Variants in TMEM117 observed in about 807,000 individuals in gnomAD.
TMEM117 encodes transmembrane protein 117.
Under a neutral mutation model 52.4 loss-of-function variants are expected in TMEM117, and 27 were observed. That is an observed-to-expected ratio of 0.51 (90% CI 0.38 to 0.71). The LOEUF is 0.71. TMEM117 is among the 30% of genes least tolerant of loss of function. The probability of loss-of-function intolerance (pLI) is 0.00; values close to 1 mark genes in which losing one functional copy is unlikely to be tolerated. For missense variants in TMEM117, 556 were observed against 630.5 expected, an observed-to-expected ratio of 0.88 and a Z score of 1.26; for synonymous variants, 215 against 206.3, an observed-to-expected ratio of 1.04 and a Z score of -0.36.
chr12:44,167,588 A>G (rs1316369530), intron 4 of TMEM117, among the ~76,000 whole-genome samples: 1 of 151,538 alleles, frequency 6.6e-6, no homozygotes, highest in East Asian at 2.0e-4. Context: ...CATCGCTTGA[A>G]CCCGGGAGGC....
intron 2 of TMEM117, among the ~76,000 whole-genome samples, chr12:43,940,894 T>A (rs990147544): frequency 2.6e-5 from 4 of 152,162 alleles, no homozygotes; most frequent in South Asian, 4.1e-4. Context: ...TTGTTAGAAT[T>A]TTATGACATC....
intron 2 of TMEM117, among the ~76,000 whole-genome samples, chr12:43,851,799 C>A (rs762414399): frequency 6.6e-6 from 1 of 152,168 alleles, no homozygotes; most frequent in African/African-American, 2.4e-5. Flanking sequence ...ACATCACTGT[C>A]GTTATCAGCA....
chr12:43,982,397 G>A lies in TMEM117; in HGVS notation c.410+38055G>A, dbSNP rs146659554. Among the ~76,000 whole-genome samples the A allele has an allele frequency of 3.9e-3, 595 of 152,006 alleles. 3 individuals carry two copies. The highest frequency in any genetic ancestry group is 0.013 in the African/African-American group (549 of 41,474). Reference sequence around the variant, plus strand: ...TTCACAAAAGGGAGATGTCTGGTAGGCAAACTGAGTCTACACACTGGCTTC... The same window carrying A: ...TTCACAAAAGGGAGATGTCTGGTAGACAAACTGAGTCTACACACTGGCTTC... On this transcript the variant is annotated intron_variant, in intron 3 of 7. Coordinates refer to ENST00000266534, the MANE Select transcript of TMEM117 (RefSeq NM_032256.3).
intron 6 of TMEM117, among the ~76,000 whole-genome samples, chr12:44,353,972 T>C (rs1220827617): frequency 6.6e-6 from 1 of 152,200 alleles, no homozygotes; most frequent in Non-Finnish European, 1.5e-5. Flanking sequence ...TTTTATTTCA[T>C]TGAGCAGTGG....
intron 3 of TMEM117, among the ~76,000 whole-genome samples, chr12:44,067,468 G>A (rs908193498): frequency 3.3e-5 from 5 of 152,128 alleles, no homozygotes; most frequent in African/African-American, 1.2e-4. Context: ...TGATCCATGG[G>A]TTGCAGAATG....
intron 3 of TMEM117, among the ~76,000 whole-genome samples, chr12:44,054,432 C>T (rs1300230557): frequency 1.3e-5 from 2 of 152,094 alleles, no homozygotes; most frequent in Non-Finnish European, 2.9e-5. Flanking sequence ...TATGAACAAT[C>T]GGTTTTGAAA....
intron 2 of TMEM117, among the ~76,000 whole-genome samples, chr12:43,915,323 G>A (rs1592359830): frequency 6.6e-6 from 1 of 152,138 alleles, no homozygotes; most frequent in Non-Finnish European, 1.5e-5. Context: ...AAACAGAGGG[G>A]CAGACCGAAG....
chr12:44,180,282 T>G (rs574634605), intron 4 of TMEM117, among the ~76,000 whole-genome samples: 2 of 152,276 alleles, frequency 1.3e-5, no homozygotes, highest in East Asian at 3.9e-4. Flanking sequence ...TTAAGCCACA[T>G]GCAGCTCATG....
chr12:44,035,753 A>G (rs370560363), intron 3 of TMEM117, among the ~76,000 whole-genome samples: 2 of 152,324 alleles, frequency 1.3e-5, no homozygotes, highest in East Asian at 3.9e-4. Flanking sequence ...AGGTCTTGCA[A>G]TTAGCTAAAT....
intron 2 of TMEM117, among the ~76,000 whole-genome samples, chr12:43,912,330 C>T (rs1944520051): frequency 6.8e-6 from 1 of 147,502 alleles, no homozygotes; most frequent in African/African-American, 2.5e-5. Flanking sequence ...GGGAACATCA[C>T]GCTCTGGGGA....
chr12:43,804,310 A>C, the TMEM117 span: 1 of 588,380 alleles, frequency 1.7e-6, no homozygotes, highest in Non-Finnish European at 3.1e-6. Flanking sequence ...TGATAGTCAC[A>C]TAATTCAGAA....
chr12:44,173,274 A>AC (rs1267565209), intron 4 of TMEM117, among the ~76,000 whole-genome samples: 1 of 152,102 alleles, frequency 6.6e-6, no homozygotes, highest in African/African-American at 2.4e-5. Context: ...ACAAGGTTTT[A>AC]TCATGTTTCC....
At chr12:44,253,330 A>G (rs1437504534) in intron 5 of TMEM117, among the ~76,000 whole-genome samples, 2 of 152,180 alleles carry the variant, frequency 1.3e-5, no homozygotes, top group Non-Finnish European at 2.9e-5. Context: ...ACCATATTTG[A>G]AGGGATGTTC....
intron 3 of TMEM117, among the ~76,000 whole-genome samples, chr12:44,006,771 A>G (rs974037492): frequency 6.6e-6 from 1 of 152,116 alleles, no homozygotes; most frequent in Admixed American, 6.6e-5. Flanking sequence ...AATATTCACT[A>G]TGTGTAAGTC....
chr12:44,194,147 A>C (rs190121093), intron 4 of TMEM117, among the ~76,000 whole-genome samples: 1 of 152,322 alleles, frequency 6.6e-6, no homozygotes, highest in East Asian at 1.9e-4. Context: ...AAATGATTGA[A>C]ATGAAAAGTT....
chr12:44,128,238 C>G (rs1948359352), intron 3 of TMEM117, among the ~76,000 whole-genome samples: 1 of 152,200 alleles, frequency 6.6e-6, no homozygotes, highest in African/African-American at 2.4e-5. Context: ...CTTCCTTTGT[C>G]TGTCTGTTTT....
At chr12:43,906,050 A>T (rs1032378312) in intron 2 of TMEM117, among the ~76,000 whole-genome samples, 2 of 152,150 alleles carry the variant, frequency 1.3e-5, no homozygotes, top group African/African-American at 2.4e-5. Context: ...TTTCTACCCA[A>T]CTATTATTTT....
intron 4 of TMEM117, among the ~76,000 whole-genome samples, chr12:44,144,652 G>A (rs1948616498): frequency 6.6e-6 from 1 of 152,204 alleles, no homozygotes; most frequent in Admixed American, 6.5e-5. Flanking sequence ...GAACATCCAG[G>A]AAGAGTATCA....
intron 4 of TMEM117, among the ~76,000 whole-genome samples, chr12:44,186,712 A>C (rs533571333): frequency 1.4e-4 from 22 of 152,288 alleles, no homozygotes; most frequent in Non-Finnish European, 1.6e-4. Context: ...TATTAGGACT[A>C]CCTTAGCACT....
Sources: allele counts gnomAD v4.1 joint callset (sites outside exome capture counted in the v4.1 genomes callset), GRCh38; gene constraint gnomAD v4.1.1; transcripts MANE v1.5; gene names NCBI Gene and HGNC (gene_info 2026-07-23, HGNC 2026-07-21).